Variants in FAM78B observed in about 807,000 individuals in gnomAD.
FAM78B encodes family with sequence similarity 78 member B.
FAM78B carries 10 observed loss-of-function variants against 20.0 expected under a neutral mutation model. The observed-to-expected ratio is 0.50, with a 90% CI of 0.31 to 0.85. The LOEUF is 0.85. FAM78B is among the 40% of genes least tolerant of loss of function. The pLI is 0.05. For synonymous variants in FAM78B, 135 were observed against 132.8 expected (o/e 1.02, Z -0.12); for missense variants, 283 against 345.0 (o/e 0.82, Z 1.42).
intron 1 of FAM78B, among the ~76,000 whole-genome samples, chr1:166,139,665 C>G (rs577660438): frequency 4.6e-5 from 7 of 152,248 alleles, no homozygotes; most frequent in Middle Eastern, 3.4e-3. Context: ...GGCTTCAGCA[C>G]CAACTCTAAC....
intron 1 of FAM78B, among the ~76,000 whole-genome samples, chr1:166,127,078 G>A (rs1654671744): frequency 6.6e-6 from 1 of 152,192 alleles, no homozygotes; most frequent in African/African-American, 2.4e-5. Flanking sequence ...CTCTCTTACT[G>A]GGTGACATAT....
At chr1:166,084,812 G>A (rs1401323161) in intron 1 of FAM78B, among the ~76,000 whole-genome samples, 1 of 152,170 alleles carries the variant, frequency 6.6e-6, no homozygotes, top group Non-Finnish European at 1.5e-5. Flanking sequence ...ATCAGGTGGT[G>A]GAAGTGGGGC....
At chr1:166,149,038 C>T (rs1010771577) in intron 1 of FAM78B, among the ~76,000 whole-genome samples, 3 of 151,978 alleles carry the variant, frequency 2.0e-5, no homozygotes, top group African/African-American at 7.3e-5. Context: ...TTAATCCAGT[C>T]TATCATTGTT....
chr1:166,162,028 T>C (rs1289464596), intron 1 of FAM78B, among the ~76,000 whole-genome samples: 1 of 152,102 alleles, frequency 6.6e-6, no homozygotes, highest in Non-Finnish European at 1.5e-5. Flanking sequence ...TGAGGTAAGA[T>C]GGAGTTACAG....
intron 1 of FAM78B, among the ~76,000 whole-genome samples, chr1:166,156,769 C>T (rs1207402241): frequency 6.6e-6 from 1 of 152,108 alleles, no homozygotes; most frequent in Non-Finnish European, 1.5e-5. Context: ...TGAGCATGAA[C>T]AGCATGGCTC....
chr1:166,091,350 C>G (rs1327167876), intron 1 of FAM78B, among the ~76,000 whole-genome samples: 2 of 152,064 alleles, frequency 1.3e-5, no homozygotes, highest in Non-Finnish European at 2.9e-5. Context: ...TGGGAGGTAA[C>G]TGAATCATGG....
chr1:166,087,854 T>A (rs1301145873), intron 1 of FAM78B, among the ~76,000 whole-genome samples: 2 of 152,192 alleles, frequency 1.3e-5, no homozygotes, highest in Non-Finnish European at 2.9e-5. Context: ...CACACAAAGA[T>A]GACTCTGACC....
At chr1:166,066,325 T>C (rs1381621761), downstream of FAM78B, among the ~76,000 whole-genome samples, 1 of 152,246 alleles carries the variant, frequency 6.6e-6, no homozygotes, top group Non-Finnish European at 1.5e-5. Flanking sequence ...CCAAAGGGTT[T>C]CTTTGCATAA....
intron 1 of FAM78B, among the ~76,000 whole-genome samples, chr1:166,111,967 T>G (rs1386191765): frequency 6.6e-6 from 1 of 152,212 alleles, no homozygotes; most frequent in Non-Finnish European, 1.5e-5. Flanking sequence ...AGTTGTGTGA[T>G]CCAGGCTCTC....
intron 1 of FAM78B, among the ~76,000 whole-genome samples, chr1:166,120,618 AACAGGGGTCCTAAAGAGGG>A (rs1432062666): frequency 3.3e-5 from 5 of 152,270 alleles, no homozygotes; most frequent in Non-Finnish European, 1.5e-5. Flanking sequence ...TCATTTGGAT[AACAGGGGTCCTAAAGAGGG>A]GTCCCTGCGG....
chr1:166,071,414 C>T (rs921486861), intron 1 of FAM78B, among the ~76,000 whole-genome samples: 9 of 152,144 alleles, frequency 5.9e-5, no homozygotes, highest in South Asian at 2.1e-4. Context: ...TCTAATGCAC[C>T]GCTCTCCCAT....
At chr1:166,133,252 A>G (rs1165422608) in intron 1 of FAM78B, among the ~76,000 whole-genome samples, 1 of 152,174 alleles carries the variant, frequency 6.6e-6, no homozygotes, top group Admixed American at 6.5e-5. Flanking sequence ...TAGCAGCTTC[A>G]TGGTAGTACC....
intron 1 of FAM78B, among the ~76,000 whole-genome samples, chr1:166,119,167 C>A (rs191494523): frequency 6.6e-6 from 1 of 152,150 alleles, no homozygotes; most frequent in Non-Finnish European, 1.5e-5. Context: ...TCAGCATTAG[C>A]ATTCACCTTC....
chr1:166,060,305 C>T (rs1197004402), exon 3 of FAM78B: 3 of 307,794 alleles, frequency 9.7e-6, no homozygotes, highest in African/African-American at 4.4e-5. Flanking sequence ...GCTCTTCATC[C>T]CTAGGAGGCT....
intron 1 of FAM78B, among the ~76,000 whole-genome samples, chr1:166,079,688 A>C (rs797021001): frequency 7.2e-5 from 11 of 152,352 alleles, no homozygotes; most frequent in African/African-American, 2.6e-4. Context: ...AGAATCCTCA[A>C]TGTAAACATA....
At chr1:166,124,832 G>A (rs965743555) in intron 1 of FAM78B, among the ~76,000 whole-genome samples, 1 of 152,196 alleles carries the variant, frequency 6.6e-6, no homozygotes, top group Non-Finnish European at 1.5e-5. Context: ...GGATCATAGA[G>A]GGCTGTGGAA....
Position 166,109,829 on chromosome 1 carries a change from T to C in FAM78B, c.264-39066A>G, listed in dbSNP as rs1156645578. Among the ~76,000 whole-genome samples the C allele has an allele frequency of 6.8e-4, 11 of 16,120 alleles. 1 individual carries two copies. The South Asian group carries it at 9.4e-3, about 14-fold the overall frequency. 10.6% of individuals were successfully genotyped at this position (16,120 alleles called of 152,430 possible). A position where few individuals can be genotyped will look rare whatever the true frequency, so the allele number is the denominator to read the frequency against. On this transcript the variant is annotated intron_variant, in intron 1 of 1. Transcript: ENST00000354422. ...ATGTATATATGTATATATATATATA[T>C]ATGTATATATGTATATATATATATA...
intron 1 of FAM78B, among the ~76,000 whole-genome samples, chr1:166,109,462 T>C (rs1239156475): frequency 1.3e-5 from 2 of 151,942 alleles, no homozygotes; most frequent in Non-Finnish European, 2.9e-5. Flanking sequence ...CAATGTGGTA[T>C]CACCTCACTC....
rs200649437 is a variant in FAM78B, at chr1:166,126,542, T to A, written c.263+39444A>T. ...CAAAAATTTGATGGAGGTGAGGGAG[T>A]TGGCCATCTGGGGGAGGGGCATTCT... On this transcript the variant is annotated intron_variant, in intron 1 of 1. Coordinates refer to ENST00000354422, the MANE Select transcript of FAM78B (RefSeq NM_001017961.5). 5.3e-5 allele frequency among the ~76,000 whole-genome samples: 8 copies of A among 151,464 alleles called. No homozygotes were observed. In the East Asian group the frequency reaches 1.6e-3, roughly 29 times the overall value.
Sources: gnomAD v4.1 joint callset for allele counts (sites outside exome capture counted in the v4.1 genomes callset) on GRCh38, gnomAD v4.1.1 for gene constraint, MANE v1.5 for transcripts, NCBI Gene and HGNC (gene_info 2026-07-23, HGNC 2026-07-21) for gene names.